The following KBTBD11 variants were observed in gnomAD, a reference collection of about 807,000 sequenced individuals.
KBTBD11 encodes kelch repeat and BTB domain containing 11, also known as kelch repeat and BTB domain-containing protein 11.
For missense variants in KBTBD11, 1,390 were observed against 1,001.8 expected, an observed-to-expected ratio of 1.39 and a Z score of -5.23; for synonymous variants, 747 against 499.0, an observed-to-expected ratio of 1.50 and a Z score of -6.63.
intron 1 of KBTBD11, among the ~76,000 whole-genome samples, chr8:1,994,712 T>C (rs1309560340): frequency 6.6e-6 from 1 of 152,220 alleles, no homozygotes; most frequent in Non-Finnish European, 1.5e-5. Flanking sequence ...ACTCACGTGT[T>C]GTCAGGTCAC....
Position 2,002,012 on chromosome 8 carries a change from G to A in KBTBD11, c.820G>A (p.Gly274Ser). ...GGTGCTGCGCGAGCCCGCCGTGTTC[G>A]GCCGCCTGTCGGGCGCAGAGCGGGA... ...LEVLREPAVF[G>S]RLSGAERDLL... The change falls in exon 2 of 2, where the codon GGC becomes AGC. Residue 274 changes from glycine to serine, a missense_variant. Gly to Ser is a moderately conservative substitution (Grantham distance 56). Coordinates refer to ENST00000320248, the MANE Select transcript of KBTBD11 (RefSeq NM_014867.3). The surrounding 1 kb of genome is among the most constrained non-coding windows in gnomAD (Gnocchi z 4.1). 1 of 1,414,882 alleles carries A rather than the reference G, an allele frequency of 7.1e-7. No individual in the cohort carries two copies. Among genetic ancestry groups the A allele is most frequent in the Non-Finnish European group, 9.3e-7 (1 of 1,074,584 alleles). 87.6% of individuals were successfully genotyped at this position (1,414,882 alleles called of 1,614,324 possible).
chr8:1,985,828 A>G (rs1027473601), intron 1 of KBTBD11, among the ~76,000 whole-genome samples: 13 of 152,224 alleles, frequency 8.5e-5, no homozygotes, highest in African/African-American at 2.7e-4. Flanking sequence ...TATGTTGACA[A>G]TCTTCATCTA....
rs890321085 is a variant in KBTBD11, at chr8:2,001,050, A to G, written c.-143A>G. ...TCCCCCCTTCACACACACAACAACAAAGCGTGGACACACAGAAGTGAAATC... is the reference window on the plus strand; with the variant it reads ...TCCCCCCTTCACACACACAACAACAGAGCGTGGACACACAGAAGTGAAATC... On this transcript the variant is annotated 5_prime_UTR_variant, in exon 2 of 2. Transcript: ENST00000320248. 105 of 1,075,086 alleles carry G rather than the reference A, an allele frequency of 9.8e-5. No individual in the cohort carries two copies. Among genetic ancestry groups the G allele is most frequent in the Non-Finnish European group, 1.2e-4 (104 of 840,846 alleles). 66.6% of individuals were successfully genotyped at this position (1,075,086 alleles called of 1,614,324 possible).
intron 1 of KBTBD11, among the ~76,000 whole-genome samples, chr8:1,978,429 C>A (rs1181430091): frequency 2.6e-5 from 4 of 152,348 alleles, no homozygotes; most frequent in South Asian, 2.1e-4. Flanking sequence ...GATTCACACA[C>A]TGGGGGCTGG....
Position 2,002,333 on chromosome 8 carries a change from C to T in KBTBD11, c.1141C>T (p.Gln381Ter). ...GPDGRARPSD[Q>*]VFCYNPATDS... ...CGACGGCCGCGCGCGCCCGTCCGACCAGGTCTTCTGCTACAACCCGGCCAC... is the reference window on the plus strand; with the variant it reads ...CGACGGCCGCGCGCGCCCGTCCGACTAGGTCTTCTGCTACAACCCGGCCAC... The change falls in exon 2 of 2, where the codon CAG becomes TAG. Residue 381 changes from glutamine (Q) to a stop codon, truncating the protein, a stop_gained. Transcript: ENST00000320248. LOFTEE classifies it low-confidence loss of function (END_TRUNC). This position sits in a 1 kb window ranked among gnomAD's most constrained non-coding sequence, Gnocchi z 4.1. The T allele has an allele frequency of 1.4e-6, 2 of 1,444,006 alleles. No homozygotes were observed. Among genetic ancestry groups the T allele is most frequent in the Non-Finnish European group, 1.8e-6 (2 of 1,103,740 alleles). The allele number at this position is 1,444,006 out of a possible 1,614,324, so 89.4% of individuals were successfully genotyped here. A position where few individuals can be genotyped will look rare whatever the true frequency, so the allele number is the denominator to read the frequency against.
At position 1,991,930 on chromosome 8, in the gene KBTBD11, G is replaced by C. The variant is rs1237061524; in HGVS notation, c.-908-8355G>C. On this transcript the variant is annotated intron_variant, in intron 1 of 1. Coordinates refer to ENST00000320248, the MANE Select transcript of KBTBD11 (RefSeq NM_014867.3). ...CTGGAGCTTTGCCAATGCGTGAAAT[G>C]TGTGCTTATTTCATCGCGGTAGACA... Among the ~76,000 whole-genome samples, 5 of 152,114 alleles carry C rather than the reference G, an allele frequency of 3.3e-5. 1 individual carries two copies. In the South Asian group the frequency reaches 8.3e-4, roughly 25 times the overall value.
intron 1 of KBTBD11, among the ~76,000 whole-genome samples, chr8:1,994,297 G>A (rs958874484): frequency 1.3e-5 from 2 of 152,230 alleles, no homozygotes; most frequent in Non-Finnish European, 2.9e-5. Context: ...CTCCTGCTGC[G>A]TCAATGCTCA....
In KBTBD11 at chr8:2,003,247, T is replaced by C; in HGVS notation, c.*183T>C. 9.8e-7 allele frequency: 1 copy of C among 1,020,182 alleles called. No homozygotes were observed. The highest frequency in any genetic ancestry group is 1.3e-6 in the Non-Finnish European group (1 of 783,944). 63.2% of individuals were successfully genotyped at this position (1,020,182 alleles called of 1,614,324 possible). On this transcript the variant is annotated 3_prime_UTR_variant, in exon 2 of 2. Transcript: ENST00000320248. ...TCGCTTTGCTTTCCTTTTGCTTGTCTTTGCTTCTGGGGGTGGATGCCTTGA... is the reference window on the plus strand; with the variant it reads ...TCGCTTTGCTTTCCTTTTGCTTGTCCTTGCTTCTGGGGGTGGATGCCTTGA...
intron 1 of KBTBD11, 71 bp downstream of exon 1, chr8:1,974,006 C>A (rs2129306157): frequency 3.2e-6 from 1 of 315,904 alleles, no homozygotes; most frequent in Non-Finnish European, 4.2e-6. Flanking sequence ...AGGCGCGGGT[C>A]GGAGGGGGCG....
At chr8:1,978,125 T>C (rs997181117) in intron 1 of KBTBD11, among the ~76,000 whole-genome samples, 1 of 152,190 alleles carries the variant, frequency 6.6e-6, no homozygotes, top group African/African-American at 2.4e-5. Flanking sequence ...CCAGCAGGCA[T>C]TAGCTCTTTA....
chr8:1,992,424 G>A (rs1044016765), intron 1 of KBTBD11, among the ~76,000 whole-genome samples: 1 of 149,502 alleles, frequency 6.7e-6, no homozygotes, highest in Non-Finnish European at 1.5e-5. Context: ...TGCCAGGAGA[G>A]GGGAGCGAGC....
At chr8:1,974,874 C>T (rs930409983) in intron 1 of KBTBD11, 1 of 224,216 alleles carries the variant, frequency 4.5e-6, no homozygotes, top group Admixed American at 6.5e-5. Flanking sequence ...GAGCTTTATT[C>T]TACTCAGCCC....
rs763895486 is a variant in KBTBD11, at chr8:2,001,737, C to T, written c.545C>T (p.Thr182Met). 4 of 1,341,330 alleles carry T rather than the reference C, an allele frequency of 3.0e-6. No individual in the cohort carries two copies. The highest frequency in any genetic ancestry group is 3.6e-5 in the South Asian group (2 of 54,816). The allele number at this position is 1,341,330 out of a possible 1,614,324, so 83.1% of individuals were successfully genotyped here. A position where few individuals can be genotyped will look rare whatever the true frequency, so the allele number is the denominator to read the frequency against. ...DVLRVQGVSLTALRLLLADAY... is the reference protein window; with the variant it reads ...DVLRVQGVSLMALRLLLADAY... ...CTGCGGGTGCAGGGAGTGAGCCTGA[C>T]GGCGCTGCGGCTGCTCCTCGCCGAC... Residue 182 changes from threonine to methionine, a missense_variant, in exon 2 of 2, where the codon ACG becomes ATG. By Grantham distance (81) the Thr-to-Met change is moderately conservative. Transcript: ENST00000320248.
intron 1 of KBTBD11, among the ~76,000 whole-genome samples, chr8:1,996,636 T>TA (rs1047074391): frequency 2.0e-5 from 3 of 151,512 alleles, no homozygotes; most frequent in African/African-American, 7.3e-5. Context: ...ACGCATTCTT[T>TA]AAAAAAAAAT....
At chr8:1,995,146 A>G (rs1222545001) in intron 1 of KBTBD11, among the ~76,000 whole-genome samples, 57 of 151,696 alleles carry the variant, frequency 3.8e-4, no homozygotes, top group Non-Finnish European at 2.9e-5. Context: ...TGCTAGGTAT[A>G]TTATGGAACA....
chr8:1,988,481 AG>A (rs1816773468), intron 1 of KBTBD11, among the ~76,000 whole-genome samples: 1 of 152,198 alleles, frequency 6.6e-6, no homozygotes, highest in African/African-American at 2.4e-5. Context: ...TCTGATGGCC[AG>A]TGATGGTGAG....
rs71211538 is a variant in KBTBD11 at position 1,980,228 on chromosome 8, C to CTT, written c.-909+6309_-909+6310dup. Among the ~76,000 whole-genome samples, 80 of 124,610 alleles carry CTT rather than the reference C, an allele frequency of 6.4e-4. 10 individuals are homozygous for CTT. The highest frequency in any genetic ancestry group is 1.7e-3 in the East Asian group (7 of 4,202). 81.7% of individuals were successfully genotyped at this position (124,610 alleles called of 152,430 possible). On this transcript the variant is annotated intron_variant, in intron 1 of 1. Coordinates refer to ENST00000320248, the MANE Select transcript of KBTBD11 (RefSeq NM_014867.3). ...ATGATGTGAAATACTGATAATCAAA[C>CTT]TTTTTTTTTTTTTTTTTGAGATGGG... is the stretch of plus-strand genomic sequence containing the variant.
Position 2,002,886 on chromosome 8 carries a change from T to C in KBTBD11, c.1694T>C (p.Val565Ala). The change falls in exon 2 of 2, where the codon GTG (valine) becomes GCG (alanine). Residue 565 changes from valine (V) to alanine (A), a missense_variant. Physicochemically the swap from Val to Ala is moderately conservative, Grantham distance 64. Transcript: ENST00000320248. The surrounding 1 kb of genome is among the most constrained non-coding windows in gnomAD (Gnocchi z 4.1). ...CAALDGAIYC[V>A]SRAGTWRFQP... ...GCCCTGGACGGCGCCATCTACTGCG[T>C]GAGCCGCGCGGGCACCTGGCGCTTC... 3 of 1,327,890 alleles carry C rather than the reference T, an allele frequency of 2.3e-6. No homozygotes were observed. Among genetic ancestry groups the C allele is most frequent in the Non-Finnish European group, 2.9e-6 (3 of 1,043,744 alleles). The allele number at this position is 1,327,890 out of a possible 1,614,324, so 82.3% of individuals were successfully genotyped here.
At chr8:1,981,292 G>C (rs1259087183) in intron 1 of KBTBD11, among the ~76,000 whole-genome samples, 2 of 152,158 alleles carry the variant, frequency 1.3e-5, no homozygotes, top group African/African-American at 4.8e-5. Flanking sequence ...AATGCTTAAG[G>C]GAATTCTTCT....
Sources: gnomAD v4.1 joint callset for allele counts (sites outside exome capture counted in the v4.1 genomes callset) on GRCh38, gnomAD v4.1.1 for gene constraint, Gnocchi (gnomAD v3.1) non-coding constraint, MANE v1.5 for transcripts, NCBI Gene and HGNC (gene_info 2026-07-23, HGNC 2026-07-21) for gene names.